The following KCNC1 variants were observed in gnomAD, a reference collection of about 807,000 sequenced individuals.
The protein encoded by KCNC1 is voltage-gated potassium channel KCNC1.
Under a neutral mutation model 43.4 loss-of-function variants are expected in KCNC1, and 8 were observed. The observed-to-expected ratio is 0.18, with a 90% CI of 0.11 to 0.33. The LOEUF (loss-of-function observed/expected upper bound fraction) is 0.33, where lower values mean the gene tolerates loss of function less well. KCNC1 is among the 10% of genes least tolerant of loss of function. The probability of loss-of-function intolerance (pLI) is 1.00; values close to 1 mark genes in which losing one functional copy is unlikely to be tolerated. For missense variants in KCNC1, 420 were observed against 836.0 expected, an observed-to-expected ratio of 0.50 and a Z score of 6.14; for synonymous variants, 361 against 360.5, an observed-to-expected ratio of 1.00 and a Z score of -0.01.
At position 17,773,231 on chromosome 11, in the gene KCNC1, C is replaced by T; in HGVS notation, c.1504+633C>T. On this transcript the variant is annotated intron_variant, in intron 2 of 3. Transcript: ENST00000265969. The surrounding 1 kb of genome is among the most constrained non-coding windows in gnomAD (Gnocchi z 4.1). Reference sequence around the variant, plus strand: ...CCTGTAGCCCTCCGTGACAAGCTTACTTACCCCATAGCATGCTGAACCAAC... The same window carrying T: ...CCTGTAGCCCTCCGTGACAAGCTTATTTACCCCATAGCATGCTGAACCAAC... The T allele has an allele frequency of 1.0e-6, 1 of 985,994 alleles. No individual in the cohort carries two copies. The highest frequency in any genetic ancestry group is 1.2e-6 in the Non-Finnish European group (1 of 830,376). 61.1% of individuals were successfully genotyped at this position (985,994 alleles called of 1,614,324 possible).
chr11:17,770,212 C>T (rs900369792), intron 1 of KCNC1, among the ~76,000 whole-genome samples: 5 of 152,252 alleles, frequency 3.3e-5, no homozygotes, highest in Admixed American at 1.3e-4. Flanking sequence ...TGACACAGGG[C>T]GCGACCTTGG....
At chr11:17,745,556 C>G (rs956194808) in intron 1 of KCNC1, among the ~76,000 whole-genome samples, 1 of 152,162 alleles carries the variant, frequency 6.6e-6, no homozygotes, top group Non-Finnish European at 1.5e-5. Context: ...TGCTATCGGA[C>G]CAAGTCAGCC....
chr11:17,741,624 G>C (rs576977562), intron 1 of KCNC1, among the ~76,000 whole-genome samples: 2 of 152,066 alleles, frequency 1.3e-5, no homozygotes, highest in African/African-American at 2.4e-5. Flanking sequence ...TTCAACTCAC[G>C]GGCCTGTCAG....
intron 1 of KCNC1, among the ~76,000 whole-genome samples, chr11:17,748,982 C>T (rs920968340): frequency 5.9e-5 from 9 of 152,090 alleles, no homozygotes; most frequent in African/African-American, 1.2e-4. Context: ...GGGGCCTTGC[C>T]GGGGAGAGAT....
Position 17,736,954 on chromosome 11 carries a change from T to C in KCNC1, c.570+382T>C, listed in dbSNP as rs1467369974. On this transcript the variant is annotated intron_variant, in intron 1 of 3. Coordinates refer to ENST00000265969, the MANE Select transcript of KCNC1 (RefSeq NM_001112741.2). The surrounding 1 kb of genome is among the most constrained non-coding windows in gnomAD (Gnocchi z 9.3). ...GCGCCTGCCCGTGAACATTTGTGTC[T>C]TTGCAGAGGTGCACTGTCAAAGTAT... 6.6e-6 allele frequency among the ~76,000 whole-genome samples: 1 copy of C among 152,188 alleles called. No individual in the cohort carries two copies. The highest frequency in any genetic ancestry group is 1.5e-5 in the Non-Finnish European group (1 of 68,040).
intron 1 of KCNC1, among the ~76,000 whole-genome samples, chr11:17,764,034 C>G (rs1471119754): frequency 6.9e-6 from 1 of 144,096 alleles, no homozygotes; most frequent in South Asian, 2.3e-4. Context: ...CATATACACG[C>G]CCACACACAC....
rs538788411 is a variant in KCNC1, at chr11:17,759,930, A to G, written c.571-11735A>G. Among the ~76,000 whole-genome samples the G allele has an allele frequency of 1.4e-3, 215 of 152,216 alleles. 2 individuals carry two copies. The highest frequency in any genetic ancestry group is 4.9e-3 in the African/African-American group (203 of 41,530). On this transcript the variant is annotated intron_variant, in intron 1 of 3. Transcript: ENST00000265969. ...ACGGGTTGCCACAAACTTGAATTGGAAAAAAAATTGCAATATCTGTGAAAT... is the reference window on the plus strand; with the variant it reads ...ACGGGTTGCCACAAACTTGAATTGGGAAAAAAATTGCAATATCTGTGAAAT...
Position 17,736,955 on chromosome 11 carries a change from T to C in KCNC1, c.570+383T>C, listed in dbSNP as rs915266114. Among the ~76,000 whole-genome samples the C allele has an allele frequency of 1.3e-5, 2 of 152,186 alleles. No individual in the cohort carries two copies. The highest frequency in any genetic ancestry group is 4.8e-5 in the African/African-American group (2 of 41,436). On this transcript the variant is annotated intron_variant, in intron 1 of 3. Coordinates refer to ENST00000265969, the MANE Select transcript of KCNC1 (RefSeq NM_001112741.2). The surrounding 1 kb of genome is among the most constrained non-coding windows in gnomAD (Gnocchi z 9.3). ...CGCCTGCCCGTGAACATTTGTGTCT[T>C]TGCAGAGGTGCACTGTCAAAGTATG...
chr11:17,775,476 C>T, intron 2 of KCNC1: 3 of 985,592 alleles, frequency 3.0e-6, no homozygotes, highest in Non-Finnish European at 3.6e-6. Context: ...ATCCAATTCT[C>T]ACCTGGTTGT....
At chr11:17,747,681 T>C (rs1848915699) in intron 1 of KCNC1, among the ~76,000 whole-genome samples, 1 of 152,152 alleles carries the variant, frequency 6.6e-6, no homozygotes, top group Non-Finnish European at 1.5e-5. Flanking sequence ...CCAGCTGAGC[T>C]CAGGGGGGCT....
intron 1 of KCNC1, among the ~76,000 whole-genome samples, chr11:17,760,682 G>A (rs1425612271): frequency 1.3e-5 from 2 of 152,190 alleles, no homozygotes; most frequent in East Asian, 1.9e-4. Context: ...ATGCCACCTC[G>A]CATGGTGGGA....
intron 1 of KCNC1, among the ~76,000 whole-genome samples, chr11:17,748,930 G>A (rs1224294025): frequency 6.6e-6 from 1 of 152,156 alleles, no homozygotes; most frequent in Non-Finnish European, 1.5e-5. Flanking sequence ...TCTGAGCTGG[G>A]TGTGGGGCTG....
chr11:17,763,052 G>A (rs1157106020), intron 1 of KCNC1, among the ~76,000 whole-genome samples: 3 of 152,222 alleles, frequency 2.0e-5, no homozygotes, highest in Non-Finnish European at 4.4e-5. Context: ...CTGCCACCTC[G>A]GGATGGGCCA....
rs1010213239 is a variant in KCNC1, at chr11:17,776,208, C to G, written c.1505-3248C>G. The G allele has an allele frequency of 2.3e-5, 23 of 985,342 alleles. No individual in the cohort carries two copies. Among genetic ancestry groups the G allele is most frequent in the Non-Finnish European group, 2.8e-5 (23 of 829,958 alleles). 61.0% of individuals were successfully genotyped at this position (985,342 alleles called of 1,614,324 possible). ...TTTTCTCTCTTTCTCTCTCTCTCCA[C>G]TAATCATGTTTCTCTCTCTCTCCTC... On this transcript the variant is annotated intron_variant, in intron 2 of 3. Transcript: ENST00000265969. This position sits in a 1 kb window ranked among gnomAD's most constrained non-coding sequence, Gnocchi z 4.4.
intron 1 of KCNC1, among the ~76,000 whole-genome samples, chr11:17,746,352 C>G (rs1848899863): frequency 6.6e-6 from 1 of 152,234 alleles, no homozygotes; most frequent in Non-Finnish European, 1.5e-5. Context: ...ATCAGCCCAC[C>G]CACCATCCAC....
At chr11:17,778,296 C>T (rs1849307306) in intron 2 of KCNC1, among the ~76,000 whole-genome samples, 2 of 152,182 alleles carry the variant, frequency 1.3e-5, no homozygotes, top group Admixed American at 6.5e-5. Flanking sequence ...CCAAAGTTTG[C>T]CCCCCACCAA....
intron 2 of KCNC1, among the ~76,000 whole-genome samples, chr11:17,778,771 C>T (rs1051803767): frequency 4.7e-5 from 7 of 147,462 alleles, no homozygotes; most frequent in East Asian, 2.0e-4. Context: ...ACTGTGTGAC[C>T]GGGCCTAGCC....
intron 1 of KCNC1, among the ~76,000 whole-genome samples, chr11:17,765,259 G>C (rs886479422): frequency 6.6e-5 from 10 of 152,232 alleles, no homozygotes; most frequent in Admixed American, 2.6e-4. Flanking sequence ...ACGCCAGACT[G>C]CATGAACACA....
chr11:17,756,966 G>C (rs934484526), intron 1 of KCNC1, among the ~76,000 whole-genome samples: 5 of 152,220 alleles, frequency 3.3e-5, no homozygotes, highest in African/African-American at 9.6e-5. Context: ...TTCCAGCTAT[G>C]TGGGGGATTT....
Sources: gnomAD v4.1 joint callset for allele counts (sites outside exome capture counted in the v4.1 genomes callset) on GRCh38, gnomAD v4.1.1 for gene constraint, Gnocchi (gnomAD v3.1) non-coding constraint, MANE v1.5 for transcripts, NCBI Gene and HGNC (gene_info 2026-07-23, HGNC 2026-07-21) for gene names.